The following ACTR3B variants were observed in gnomAD, a reference collection of about 807,000 sequenced individuals.
ACTR3B encodes the protein actin-related protein 3B.
A neutral mutation model predicts 59.0 loss-of-function variants in ACTR3B; 8 were observed. That is an observed-to-expected ratio of 0.14 (90% CI 0.08 to 0.24). The LOEUF (loss-of-function observed/expected upper bound fraction) is 0.24, where lower values mean the gene tolerates loss of function less well. Among genes scored for constraint, ACTR3B ranks in the 10% least tolerant of loss-of-function variants. The probability of loss-of-function intolerance (pLI) is 1.00; values close to 1 mark genes in which losing one functional copy is unlikely to be tolerated. For missense variants in ACTR3B, 245 were observed against 552.3 expected (o/e 0.44, Z 5.58); for synonymous variants, 148 against 197.9 (o/e 0.75, Z 2.12).
At chr7:152,798,310 A>C (rs1187292301) in intron 2 of ACTR3B, among the ~76,000 whole-genome samples, 1 of 151,774 alleles carries the variant, frequency 6.6e-6, no homozygotes, top group Non-Finnish European at 1.5e-5. Context: ...TTTTTCATAT[A>C]CCTGTTGGCC....
intron 1 of ACTR3B, among the ~76,000 whole-genome samples, chr7:152,771,782 A>C (rs892850565): frequency 6.6e-6 from 1 of 152,226 alleles, no homozygotes; most frequent in Non-Finnish European, 1.5e-5. Flanking sequence ...AATTTATAAA[A>C]CCTGAAAGAT....
intron 2 of ACTR3B, among the ~76,000 whole-genome samples, chr7:152,788,120 C>T (rs895468098): frequency 9.1e-5 from 11 of 121,210 alleles, no homozygotes; most frequent in Non-Finnish European, 1.7e-4. Flanking sequence ...AGACGTCCAG[C>T]TAATTTTTGT....
chr7:152,843,556 T>G (rs1227137957), intron 9 of ACTR3B, among the ~76,000 whole-genome samples: 1 of 152,238 alleles, frequency 6.6e-6, no homozygotes, highest in Non-Finnish European at 1.5e-5. Context: ...TATAATGCCT[T>G]TGAAGGAAAC....
At chr7:152,830,220 TAGA>T (rs1246874067) in intron 9 of ACTR3B, among the ~76,000 whole-genome samples, 3 of 152,034 alleles carry the variant, frequency 2.0e-5, no homozygotes, top group Non-Finnish European at 4.4e-5. Flanking sequence ...TGAGCGCAGA[TAGA>T]AGGAGAGTGG....
intron 9 of ACTR3B, among the ~76,000 whole-genome samples, chr7:152,847,034 AGTGAGCTCTAGTGCCCGGGCTGTAGTCT>A (rs1563156384): frequency 5.6e-5 from 8 of 141,806 alleles, no homozygotes; most frequent in Admixed American, 4.3e-4. Flanking sequence ...TGTAGTCTGC[AGTGAGCTCTAGTGCCCGGGCTGTAGTCT>A]GCAGTGAGCC....
chr7:152,774,724 G>A (rs1271276823), intron 1 of ACTR3B, among the ~76,000 whole-genome samples: 2 of 152,024 alleles, frequency 1.3e-5, no homozygotes, highest in Non-Finnish European at 2.9e-5. Flanking sequence ...CAAAGATACT[G>A]GATTTGGATA....
Position 152,783,860 on chromosome 7 carries a change from C to T in ACTR3B, c.100+618C>T, listed in dbSNP as rs1254045153. The stretch of plus-strand genomic sequence containing the variant: ...ATCGCAGCACTTTGGGAGGCTGAGG[C>T]GGGTGGATCAGCTGAGGTCAGGAGT... On this transcript the variant is annotated intron_variant, in intron 2 of 11. Transcript: ENST00000256001. 6.0e-5 allele frequency among the ~76,000 whole-genome samples: 9 copies of T among 151,104 alleles called. No homozygotes were observed. In the East Asian group the frequency reaches 1.2e-3, roughly 20 times the overall value.
chr7:152,760,050 C>G, intron 1 of ACTR3B, 124 bp downstream of exon 1: 1 of 875,212 alleles, frequency 1.1e-6, no homozygotes, highest in Non-Finnish European at 1.5e-6. Flanking sequence ...ATCACCTGGG[C>G]AGGTGGGGCG....
At chr7:152,801,808 T>C (rs1313858881) in intron 4 of ACTR3B, 77 bp downstream of exon 4, 1 of 538,814 alleles carries the variant, frequency 1.9e-6, no homozygotes, top group Non-Finnish European at 3.4e-6. Context: ...GATATTCTTT[T>C]CTAGGGCGTT....
Position 152,823,429 on chromosome 7 carries a change from G to T in ACTR3B, c.772G>T (p.Gly258Cys). The change falls in exon 8 of 12, where the codon GGT becomes TGT. Residue 258 changes from glycine (G) to cysteine (C), a missense_variant. By Grantham distance (159) the Gly-to-Cys change is radical. This residue lies in a region of ACTR3B where 153 missense variants were observed against 266.2 expected (regional missense o/e 0.57). Coordinates refer to ENST00000256001, the MANE Select transcript of ACTR3B (RefSeq NM_020445.6). ...DPRKWIKQYT[G>C]INAINQKKFV... ...CCGGAAGTGGATCAAACAGTACACG[G>T]GTATCAATGCGATCAACCAGAAGAA... is the stretch of plus-strand genomic sequence containing the variant. 1 of 1,614,228 alleles carries T rather than the reference G, an allele frequency of 6.2e-7. No individual in the cohort carries two copies. Among genetic ancestry groups the T allele is most frequent in the Non-Finnish European group, 8.5e-7 (1 of 1,180,046 alleles).
Position 152,759,909 on chromosome 7 carries a change from G to A in ACTR3B, c.27G>A (p.Val9=). Residue 9 remains valine (V), a synonymous_variant, in exon 1 of 12, where the codon GTG becomes GTA. Transcript: ENST00000256001. MAGSLPPC[V]VDCGTGYTKL... is the part of the protein sequence containing the mutation. ...TGGCAGGCTCCCTGCCTCCCTGCGT[G>A]GTGGACTGTGGCACCGGGTAAGAGC... 7.2e-7 allele frequency: 1 copy of A among 1,394,074 alleles called. No individual in the cohort carries two copies. The allele number at this position is 1,394,074 out of a possible 1,614,324, so 86.4% of individuals were successfully genotyped here.
chr7:152,811,213 T>G (rs1324530316), intron 4 of ACTR3B: 3 of 148,600 alleles, frequency 2.0e-5, no homozygotes, highest in Non-Finnish European at 4.5e-5. Flanking sequence ...AGTAGTTGAA[T>G]TTCCCATTTG....
intron 5 of ACTR3B, among the ~76,000 whole-genome samples, chr7:152,815,080 T>C (rs995805313): frequency 5.9e-5 from 9 of 151,744 alleles, no homozygotes. Flanking sequence ...GTTCTGAAGC[T>C]GCGGTTCTTG....
chr7:152,791,975 T>C (rs1051432843), intron 2 of ACTR3B, among the ~76,000 whole-genome samples: 10 of 152,190 alleles, frequency 6.6e-5, no homozygotes, highest in Admixed American at 1.3e-4. Context: ...TAATGTGACC[T>C]CAGCCTCCTG....
intron 9 of ACTR3B, among the ~76,000 whole-genome samples, chr7:152,839,115 G>A (rs1797687642): frequency 6.7e-6 from 1 of 149,708 alleles, no homozygotes. Context: ...AGAAACCAGG[G>A]CCAGGTGGGT....
rs7784942 is a variant in ACTR3B at position 152,847,992 on chromosome 7, A to G, written c.952-4134A>G. On this transcript the variant is annotated intron_variant, in intron 9 of 11. Coordinates refer to ENST00000256001, the MANE Select transcript of ACTR3B (RefSeq NM_020445.6). ...AATACTGAAGGAATGCTGAGCAGACAGGGAGCACTCCCCTGGGACTTTTGG... is the reference window on the plus strand; with the variant it reads ...AATACTGAAGGAATGCTGAGCAGACGGGGAGCACTCCCCTGGGACTTTTGG... Among the ~76,000 whole-genome samples the G allele has an allele frequency of 8.2e-3, 1,242 of 152,368 alleles. 19 individuals are homozygous for G. Among genetic ancestry groups the G allele is most frequent in the African/African-American group, 0.028 (1,183 of 41,582 alleles).
chr7:152,793,724 T>G (rs1401114046), intron 2 of ACTR3B, among the ~76,000 whole-genome samples: 1 of 151,942 alleles, frequency 6.6e-6, no homozygotes, highest in Non-Finnish European at 1.5e-5. Context: ...GAGATGTTAC[T>G]GGTTTTTGCC....
chr7:152,835,221 C>T (rs1797352767), intron 9 of ACTR3B, among the ~76,000 whole-genome samples: 1 of 152,126 alleles, frequency 6.6e-6, no homozygotes, highest in Non-Finnish European at 1.5e-5. Flanking sequence ...GCACTCATTC[C>T]CCAGCCCCTG....
chr7:152,771,533 G>C (rs1336835009), intron 1 of ACTR3B, among the ~76,000 whole-genome samples: 2 of 152,212 alleles, frequency 1.3e-5, no homozygotes, highest in Non-Finnish European at 2.9e-5. Context: ...AAAGAACAAA[G>C]AGGTCATGGT....
Sources: allele counts gnomAD v4.1 joint callset (sites outside exome capture counted in the v4.1 genomes callset), GRCh38; gene constraint gnomAD v4.1.1; regional missense constraint gnomAD v4.1.1; transcripts MANE v1.5; gene names NCBI Gene and HGNC (gene_info 2026-07-23, HGNC 2026-07-21).